ITPK1: variants seen among roughly 807,000 people sequenced by gnomAD.
The protein encoded by ITPK1 is inositol 1,3,4-trisphosphate 5/6-kinase.
A neutral mutation model predicts 45.3 loss-of-function variants in ITPK1; 21 were observed. The observed-to-expected ratio is 0.46, with a 90% CI of 0.33 to 0.67. ITPK1 has a LOEUF of 0.67. ITPK1 is among the 30% of genes least tolerant of loss of function. The pLI is 0.02. For missense variants in ITPK1, 474 were observed against 573.5 expected (o/e 0.83, Z 1.77); for synonymous variants, 258 against 253.6 (o/e 1.02, Z -0.16).
chr14:92,974,461 A>G (rs1885828604), intron 5 of ITPK1, among the ~76,000 whole-genome samples: 1 of 152,172 alleles, frequency 6.6e-6, no homozygotes, highest in African/African-American at 2.4e-5. Flanking sequence ...GGCTCCTAGG[A>G]GCAGTGGACC....
chr14:93,079,126 T>C (rs566379171), intron 2 of ITPK1, among the ~76,000 whole-genome samples: 8 of 152,252 alleles, frequency 5.3e-5, no homozygotes, highest in Admixed American at 2.0e-4. Flanking sequence ...CTCCCTCCCT[T>C]AGTCCTAAAA....
chr14:93,112,952 C>G lies in ITPK1; in HGVS notation c.95+2117G>C, dbSNP rs527848317. On this transcript the variant is annotated intron_variant, in intron 2 of 10. Transcript: ENST00000267615. ...CGGGGCTCCCTGGTCACTGGCTCAA[C>G]AGTTGCAGCATTTTGCAGCCAGTAT... 2.0e-3 allele frequency among the ~76,000 whole-genome samples: 309 copies of G among 152,316 alleles called. 3 individuals are homozygous for G. Among genetic ancestry groups the G allele is most frequent in the African/African-American group, 7.1e-3 (297 of 41,564 alleles).
At chr14:92,989,961 C>T (rs1886697943) in intron 5 of ITPK1, among the ~76,000 whole-genome samples, 1 of 152,144 alleles carries the variant, frequency 6.6e-6, no homozygotes, top group Non-Finnish European at 1.5e-5. Flanking sequence ...CGAGGCCAAA[C>T]CCCCAGCCAG....
intron 3 of ITPK1, among the ~76,000 whole-genome samples, chr14:93,024,906 C>G (rs2139874836): frequency 6.6e-6 from 1 of 152,266 alleles, no homozygotes; most frequent in Middle Eastern, 3.4e-3. Flanking sequence ...GCTAGACGTC[C>G]TTTCCTGATG....
chr14:92,995,960 C>A (rs766050662), intron 4 of ITPK1, among the ~76,000 whole-genome samples: 40 of 152,182 alleles, frequency 2.6e-4, no homozygotes, highest in Non-Finnish European at 4.9e-4. Context: ...TGGGCAACTA[C>A]CCCTCTTGGC....
At chr14:93,082,237 GA>G (rs1891465840) in intron 2 of ITPK1, among the ~76,000 whole-genome samples, 2 of 152,194 alleles carry the variant, frequency 1.3e-5, no homozygotes, top group Admixed American at 6.5e-5. Flanking sequence ...GGAGCAGACT[GA>G]GGCCCTGCGC....
chr14:93,033,070 C>T (rs372188966), intron 3 of ITPK1, among the ~76,000 whole-genome samples: 17 of 152,318 alleles, frequency 1.1e-4, no homozygotes, highest in Admixed American at 5.2e-4. Flanking sequence ...GTATAAGCAT[C>T]GGTTTTCCCA....
rs1467331236 is a variant in ITPK1 at position 93,111,944 on chromosome 14, T to C, written c.95+3125A>G. On this transcript the variant is annotated intron_variant, in intron 2 of 10. Coordinates refer to ENST00000267615, the MANE Select transcript of ITPK1 (RefSeq NM_014216.6). ...GCCCCATCCTATCAGAGTGCACATC[T>C]GAAAAGGCTGGCGCCTGTCCCTACC... is the stretch of plus-strand genomic sequence containing the variant. 2.0e-5 allele frequency among the ~76,000 whole-genome samples: 3 copies of C among 152,126 alleles called. No homozygotes were observed. In the East Asian group the frequency reaches 5.8e-4, roughly 29 times the overall value.
chr14:93,088,341 G>GTTTTTTTT (rs1179019290), intron 2 of ITPK1, among the ~76,000 whole-genome samples: 8 of 132,716 alleles, frequency 6.0e-5, no homozygotes, highest in African/African-American at 2.0e-4. Flanking sequence ...GTTTTGTTTT[G>GTTTTTTTT]TTTTTTTTTT....
chr14:93,105,435 C>T (rs1183869173), intron 2 of ITPK1, among the ~76,000 whole-genome samples: 1 of 152,102 alleles, frequency 6.6e-6, no homozygotes, highest in Non-Finnish European at 1.5e-5. Context: ...AGGAGCTCCC[C>T]AGCCCCCTTC....
intron 2 of ITPK1, among the ~76,000 whole-genome samples, chr14:93,110,350 T>C (rs933619950): frequency 6.6e-6 from 1 of 151,904 alleles, no homozygotes; most frequent in Non-Finnish European, 1.5e-5. Context: ...ATCCAGACAT[T>C]AAAACAAATA....
At chr14:92,952,775 T>C (rs1241029367) in intron 8 of ITPK1, among the ~76,000 whole-genome samples, 2 of 152,168 alleles carry the variant, frequency 1.3e-5, no homozygotes, top group African/African-American at 4.8e-5. Flanking sequence ...ACAGGAGAAA[T>C]GTCTTTGGGG....
chr14:93,013,913 C>T (rs1433468885), intron 4 of ITPK1, among the ~76,000 whole-genome samples: 1 of 152,210 alleles, frequency 6.6e-6, no homozygotes. Context: ...AGCCCAGTGA[C>T]CGGTGGTAGA....
chr14:93,001,428 A>G (rs1887351591), intron 4 of ITPK1, among the ~76,000 whole-genome samples: 1 of 152,192 alleles, frequency 6.6e-6, no homozygotes, highest in African/African-American at 2.4e-5. Context: ...AGGGGGCACA[A>G]TTCCGTCACC....
chr14:92,951,821 G>C (rs1179008325), intron 9 of ITPK1, 125 bp downstream of exon 9: 1 of 729,882 alleles, frequency 1.4e-6, no homozygotes, highest in Non-Finnish European at 2.3e-6. Context: ...GTGGCATGGA[G>C]GCAAACGTCC....
chr14:93,088,013 C>A (rs1426596290), intron 2 of ITPK1, among the ~76,000 whole-genome samples: 1 of 152,326 alleles, frequency 6.6e-6, no homozygotes, highest in South Asian at 2.1e-4. Flanking sequence ...GACACTTGGG[C>A]TCATCCTGAG....
chr14:92,960,766 C>G (rs1390775175), intron 7 of ITPK1, among the ~76,000 whole-genome samples: 1 of 152,206 alleles, frequency 6.6e-6, no homozygotes, highest in Non-Finnish European at 1.5e-5. Flanking sequence ...GATACTGGGG[C>G]TGAGGGGGGC....
intron 4 of ITPK1, among the ~76,000 whole-genome samples, chr14:93,013,428 C>T (rs1888018322): frequency 1.3e-5 from 2 of 152,204 alleles, no homozygotes; most frequent in Non-Finnish European, 2.9e-5. Context: ...GCAGGCACGG[C>T]CTCCTGGCTC....
intron 4 of ITPK1, among the ~76,000 whole-genome samples, chr14:93,002,228 C>T (rs1473940290): frequency 6.6e-6 from 1 of 152,130 alleles, no homozygotes; most frequent in Non-Finnish European, 1.5e-5. Context: ...TGGTGCGCAC[C>T]TACTCAGGAG....
Sources: allele counts gnomAD v4.1 joint callset (sites outside exome capture counted in the v4.1 genomes callset), GRCh38; gene constraint gnomAD v4.1.1; transcripts MANE v1.5; gene names NCBI Gene and HGNC (gene_info 2026-07-23, HGNC 2026-07-21).